Variants in PRSS12 observed in about 807,000 individuals in gnomAD.
PRSS12 encodes serine protease 12, also known as neurotrypsin.
PRSS12 carries 85 observed loss-of-function variants against 104.4 expected under a neutral mutation model. The observed-to-expected ratio is 0.81, with a 90% confidence interval of 0.68 to 0.98. The LOEUF is 0.98. Ranked by LOEUF, PRSS12 falls within the 50% of genes least tolerant of loss-of-function variation. PRSS12 has a pLI of 0.00. For synonymous variants in PRSS12, 454 were observed against 425.2 expected (o/e 1.07, Z -0.83); for missense variants, 1,141 against 1,139.2 (o/e 1.00, Z -0.02).
chr4:118,308,424 G>C lies in PRSS12; in HGVS notation c.1631+12C>G. 1 of 1,613,796 alleles carries C rather than the reference G, an allele frequency of 6.2e-7. No individual in the cohort carries two copies. Among genetic ancestry groups the C allele is most frequent in the Non-Finnish European group, 8.5e-7 (1 of 1,179,876 alleles). On this transcript the variant is annotated intron_variant, in intron 8 of 12. Transcript: ENST00000296498. ...CATCAGTAACCATCCCAAATAATTA[G>C]GTTTTCCTTACTTGTAGCCAAGCTG...
chr4:118,346,827 G>A (rs560224977), intron 1 of PRSS12, among the ~76,000 whole-genome samples: 4 of 152,284 alleles, frequency 2.6e-5, no homozygotes, highest in African/African-American at 9.6e-5. Context: ...TAGGTTGCAT[G>A]CTCCTTATGA....
intron 9 of PRSS12, 88 bp downstream of exon 9, chr4:118,298,645 T>A: frequency 7.8e-7 from 1 of 1,281,024 alleles, no homozygotes; most frequent in Non-Finnish European, 1.1e-6. Context: ...CTTGTTGTAC[T>A]AGATTTCTGT....
intron 11 of PRSS12, among the ~76,000 whole-genome samples, chr4:118,283,942 AAATT>A (rs1427255848): frequency 2.0e-5 from 3 of 151,858 alleles, no homozygotes; most frequent in African/African-American, 7.3e-5. Context: ...GGAATGCAAA[AAATT>A]GATTAAGTTA....
At chr4:118,331,654 C>T (rs1218453556) in intron 4 of PRSS12, 62 bp downstream of exon 4, 1 of 1,605,312 alleles carries the variant, frequency 6.2e-7, no homozygotes, top group African/African-American at 1.3e-5. Context: ...CAGCACCTGC[C>T]TTTGGGTATG....
rs764153836 is a variant in PRSS12 at position 118,282,107 on chromosome 4, G to T, written c.2457C>A (p.Asp819Glu). 1.5e-5 allele frequency: 24 copies of T among 1,614,182 alleles called. No individual in the cohort carries two copies. In the African/African-American group the frequency reaches 2.9e-4, roughly 20 times the overall value. Residue 819 changes from aspartate (D) to glutamate (E), a missense_variant, in exon 13 of 13, where the codon GAC becomes GAA. Transcript: ENST00000296498. The part of the protein sequence containing the change: ...AGNLHEHKRV[D>E]SCQGDSGGPL... ...GTCCTCCGCTGTCTCCCTGGCAGCTGTCCACGCGTTTGTGTTCATGGAGGT... is the reference window on the plus strand; with the variant it reads ...GTCCTCCGCTGTCTCCCTGGCAGCTTTCCACGCGTTTGTGTTCATGGAGGT...
chr4:118,326,569 A>C (rs1361703758), intron 4 of PRSS12, among the ~76,000 whole-genome samples: 2 of 152,208 alleles, frequency 1.3e-5, no homozygotes, highest in African/African-American at 2.4e-5. Context: ...TGGCACCTCA[A>C]ATACAGTCTA....
chr4:118,348,654 C>CTT (rs35216011), intron 1 of PRSS12, among the ~76,000 whole-genome samples: 3,263 of 144,620 alleles, frequency 0.023, 44 homozygotes, highest in Non-Finnish European at 0.026. Context: ...CAGAATGATT[C>CTT]TTTTTTTTTT....
intron 3 of PRSS12, 75 bp downstream of exon 3, chr4:118,335,398 A>C (rs1356503183): frequency 1.0e-5 from 16 of 1,532,724 alleles, no homozygotes; most frequent in Non-Finnish European, 1.4e-5. Flanking sequence ...ATTATAACTA[A>C]GACACTTTCA....
At chr4:118,314,897 A>ATC in intron 6 of PRSS12, among the ~76,000 whole-genome samples, 1 of 152,214 alleles carries the variant, frequency 6.6e-6, no homozygotes. Flanking sequence ...GATTTTATGA[A>ATC]TCTCTCTAAA....
At chr4:118,331,675 G>C (rs781658633) in intron 4 of PRSS12, 41 bp downstream of exon 4, 3 of 1,612,928 alleles carry the variant, frequency 1.9e-6, no homozygotes, top group Non-Finnish European at 2.5e-6. Flanking sequence ...GAAATAATAA[G>C]ATTCAAAAGT....
chr4:118,316,420 C>T (rs1406806871), intron 5 of PRSS12, 97 bp from the exon 6 acceptor site: 5 of 1,489,564 alleles, frequency 3.4e-6, no homozygotes, highest in Non-Finnish European at 4.6e-6. Context: ...CATATTCAGG[C>T]CTCACTCTAG....
chr4:118,309,499 C>T (rs975326040), intron 7 of PRSS12, among the ~76,000 whole-genome samples: 3 of 152,032 alleles, frequency 2.0e-5, no homozygotes, highest in African/African-American at 7.2e-5. Flanking sequence ...ACAGCCCTTC[C>T]CTCACAGTTC....
At chr4:118,300,135 C>A (rs962515915) in intron 8 of PRSS12, among the ~76,000 whole-genome samples, 1 of 152,018 alleles carries the variant, frequency 6.6e-6, no homozygotes, top group Non-Finnish European at 1.5e-5. Flanking sequence ...CTCATCCCCC[C>A]AAGTAGCTGG....
intron 4 of PRSS12, among the ~76,000 whole-genome samples, chr4:118,318,949 T>G (rs573918995): frequency 9.9e-5 from 15 of 152,204 alleles, no homozygotes; most frequent in Non-Finnish European, 2.1e-4. Context: ...TGGTTTATAG[T>G]GCATTAAGCA....
chr4:118,306,477 T>C (rs1355181309), intron 8 of PRSS12, among the ~76,000 whole-genome samples: 7 of 152,160 alleles, frequency 4.6e-5, no homozygotes, highest in Non-Finnish European at 1.5e-5. Flanking sequence ...TTTTCAATCA[T>C]GGCAGAAGGT....
intron 1 of PRSS12, among the ~76,000 whole-genome samples, chr4:118,348,608 C>T (rs998260267): frequency 2.0e-5 from 3 of 152,058 alleles, no homozygotes; most frequent in Non-Finnish European, 2.9e-5. Flanking sequence ...CATAATGAGA[C>T]CAGCTCCCTG....
chr4:118,317,387 T>C (rs537944830), intron 5 of PRSS12, among the ~76,000 whole-genome samples: 10 of 152,208 alleles, frequency 6.6e-5, no homozygotes, highest in Non-Finnish European at 1.2e-4. Flanking sequence ...TAATCTTGGG[T>C]AAGGGTCATA....
intron 9 of PRSS12, among the ~76,000 whole-genome samples, chr4:118,298,259 A>G (rs1743300974): frequency 6.6e-6 from 1 of 152,202 alleles, no homozygotes; most frequent in African/African-American, 2.4e-5. Context: ...TTAAATTTTT[A>G]AATTTCAGAG....
intron 9 of PRSS12, among the ~76,000 whole-genome samples, 164 bp from the exon 10 acceptor site, chr4:118,296,020 T>C (rs1352929261): frequency 2.0e-5 from 3 of 152,222 alleles, no homozygotes; most frequent in Non-Finnish European, 4.4e-5. Flanking sequence ...TTTGACTAAA[T>C]GACAATAATT....
Sources: gnomAD v4.1 joint callset for allele counts (sites outside exome capture counted in the v4.1 genomes callset) on GRCh38, gnomAD v4.1.1 for gene constraint, MANE v1.5 for transcripts, NCBI Gene and HGNC (gene_info 2026-07-23, HGNC 2026-07-21) for gene names.